Variants in PRPF8 observed in about 807,000 individuals in gnomAD.
PRPF8 encodes pre-mRNA processing factor 8, also known as pre-mRNA-processing-splicing factor 8.
Under a neutral mutation model 285.9 loss-of-function variants are expected in PRPF8, and 64 were observed. That is an observed-to-expected ratio of 0.22 (90% CI 0.18 to 0.28). PRPF8 has a LOEUF of 0.28. Among genes scored for constraint, PRPF8 ranks in the 10% least tolerant of loss-of-function variants. PRPF8 has a pLI of 1.00. For synonymous variants in PRPF8, 1,325 were observed against 1,118.2 expected, an observed-to-expected ratio of 1.18 and a Z score of -3.69; for missense variants, 1,426 against 3,026.7, an observed-to-expected ratio of 0.47 and a Z score of 12.41.
At position 1,661,574 on chromosome 17, in the gene PRPF8, C is replaced by T. The variant is rs1374718595; in HGVS notation, c.4202+37G>A. ...ACACGGTTCAAAGGCCACCACTGCC[C>T]CTGCCCCAGGGTTGGCATGCCCTCC... On this transcript the variant is annotated intron_variant, in intron 26 of 42. Coordinates refer to ENST00000304992, the MANE Select transcript of PRPF8 (RefSeq NM_006445.4). This position sits in a 1 kb window ranked among gnomAD's most constrained non-coding sequence, Gnocchi z 7.3. 3.7e-6 allele frequency: 6 copies of T among 1,612,064 alleles called. No individual in the cohort carries two copies. The highest frequency in any genetic ancestry group is 1.3e-5 in the African/African-American group (1 of 74,876).
Position 1,673,381 on chromosome 17 carries a change from G to A in PRPF8, c.3633C>T (p.Asp1211=), listed in dbSNP as rs148599874. Residue 1211 remains aspartate, a synonymous_variant, in exon 23 of 43, where the codon GAC becomes GAT. Coordinates refer to ENST00000304992, the MANE Select transcript of PRPF8 (RefSeq NM_006445.4). This position sits in a 1 kb window ranked among gnomAD's most constrained non-coding sequence, Gnocchi z 5.5. ...CCTCATTCTGCAGGTTCCAGACCCC[G>A]TCCTTGTGGGTGAACTCCTCATAGC... ...RTSYEEFTHK[D]GVWNLQNEVT... The A allele has an allele frequency of 2.2e-4, 358 of 1,613,940 alleles. No individual in the cohort carries two copies. Among genetic ancestry groups the A allele is most frequent in the Non-Finnish European group, 2.7e-4 (314 of 1,180,024 alleles).
At chr17:1,660,023 T>C in intron 30 of PRPF8, 22 bp from the exon 31 acceptor site, 1 of 1,611,588 alleles carries the variant, frequency 6.2e-7, no homozygotes, top group Non-Finnish European at 8.5e-7. Context: ...CATGGAGAGA[T>C]TAAGACTTGT....
intron 2 of PRPF8, 93 bp from the exon 3 acceptor site, chr17:1,683,794 G>A: frequency 2.0e-6 from 3 of 1,472,714 alleles, no homozygotes; most frequent in South Asian, 1.2e-5. Context: ...GTGAGTGTGA[G>A]GGAGAAGCAG....
In PRPF8 at chr17:1,676,768, T is replaced by C; in HGVS notation, c.2182-57A>G. ...ATCCAGCCAGGCACTGTGGCACACA[T>C]CTGTAGTCCCGGCTACTCAGGAGGC... is the stretch of plus-strand genomic sequence containing the variant. On this transcript the variant is annotated intron_variant, in intron 15 of 42. Coordinates refer to ENST00000304992, the MANE Select transcript of PRPF8 (RefSeq NM_006445.4). This position sits in a 1 kb window ranked among gnomAD's most constrained non-coding sequence, Gnocchi z 6.3. 5 of 1,589,694 alleles carry C rather than the reference T, an allele frequency of 3.1e-6. No homozygotes were observed. The highest frequency in any genetic ancestry group is 4.3e-6 in the Non-Finnish European group (5 of 1,161,996).
chr17:1,674,906 G>C (rs1912532186), intron 20 of PRPF8, among the ~76,000 whole-genome samples: 1 of 151,826 alleles, frequency 6.6e-6, no homozygotes. Flanking sequence ...CAAGTAGCTG[G>C]GATTACAGGC....
At position 1,681,618 on chromosome 17, in the gene PRPF8, A is replaced by G; in HGVS notation, c.726T>C (p.Ala242=). 6.2e-7 allele frequency: 1 copy of G among 1,614,170 alleles called. No homozygotes were observed. Among genetic ancestry groups the G allele is most frequent in the Admixed American group, 1.7e-5 (1 of 60,016 alleles). Reference sequence around the variant, plus strand: ...CCACCAAGTCTGTCAGGAGCTGATTAGCCAGGCGGTAGAGAGTCGACATCA... The same window carrying G: ...CCACCAAGTCTGTCAGGAGCTGATTGGCCAGGCGGTAGAGAGTCGACATCA... ...LPMMSTLYRL[A]NQLLTDLVDD... Residue 242 remains alanine (A), a synonymous_variant, in exon 6 of 43, where the codon GCT becomes GCC. Coordinates refer to ENST00000304992, the MANE Select transcript of PRPF8 (RefSeq NM_006445.4).
Position 1,658,191 on chromosome 17 carries a change from G to T in PRPF8, c.5505+62C>A. The T allele has an allele frequency of 6.2e-7, 1 of 1,611,330 alleles. No individual in the cohort carries two copies. The highest frequency in any genetic ancestry group is 8.5e-7 in the Non-Finnish European group (1 of 1,178,742). ...CTAATAAACCAGTAAATATTACCAAGTCCACCCCAAGAATAAGAGGCAACA... is the reference window on the plus strand; with the variant it reads ...CTAATAAACCAGTAAATATTACCAATTCCACCCCAAGAATAAGAGGCAACA... On this transcript the variant is annotated intron_variant, in intron 34 of 42. Transcript: ENST00000304992. The surrounding 1 kb of genome is among the most constrained non-coding windows in gnomAD (Gnocchi z 4.1).
intron 24 of PRPF8, among the ~76,000 whole-genome samples, chr17:1,665,830 A>C (rs1214933182): frequency 8.4e-6 from 1 of 118,748 alleles, no homozygotes; most frequent in Non-Finnish European, 1.8e-5. Context: ...TGGGTGAGAG[A>C]GTGAGACTCC....
At chr17:1,666,313 C>T (rs1391383236) in intron 24 of PRPF8, among the ~76,000 whole-genome samples, 2 of 151,804 alleles carry the variant, frequency 1.3e-5, no homozygotes, top group Admixed American at 6.6e-5. Context: ...ACTTTGGGAG[C>T]CCAGGGGGGT....
At position 1,678,849 on chromosome 17, in the gene PRPF8, G is replaced by GA; in HGVS notation, c.1631dup (p.His545ProfsTer11). On this transcript the variant is annotated frameshift_variant, in exon 12 of 43. Coordinates refer to ENST00000304992, the MANE Select transcript of PRPF8 (RefSeq NM_006445.4). LOFTEE classifies it high-confidence loss of function. ...AACGCAGAACTTCCCGACACAGGTGGAAAGCATTCCCAAAACGAGATTTCT... is the reference window on the plus strand; with the variant it reads ...AACGCAGAACTTCCCGACACAGGTGGAAAAGCATTCCCAAAACGAGATTTCT... The GA allele has an allele frequency of 6.2e-7, 1 of 1,614,146 alleles. No homozygotes were observed. Among genetic ancestry groups the GA allele is most frequent in the Non-Finnish European group, 8.5e-7 (1 of 1,180,024 alleles).
rs74619506 is a variant in PRPF8 at position 1,661,240 on chromosome 17, G to T, written c.4338+31C>A. ...TTCGGGGATAGCCATGGATTTTCCT[G>T]ACTCAGGGAAAATCTGCTCCCTCTA... On this transcript the variant is annotated intron_variant, in intron 27 of 42. Coordinates refer to ENST00000304992, the MANE Select transcript of PRPF8 (RefSeq NM_006445.4). The surrounding 1 kb of genome is among the most constrained non-coding windows in gnomAD (Gnocchi z 7.3). The T allele has an allele frequency of 1.9e-4, 312 of 1,614,114 alleles. 4 individuals are homozygous for T. In the East Asian group the frequency reaches 6.9e-3, roughly 36 times the overall value.
rs1048004787 is a variant in PRPF8, at chr17:1,651,551, C to T, written c.6513G>A (p.Glu2171=). 1 of 1,613,970 alleles carries T rather than the reference C, an allele frequency of 6.2e-7. No homozygotes were observed. Among genetic ancestry groups the T allele is most frequent in the Non-Finnish European group, 8.5e-7 (1 of 1,180,020 alleles). ...TGTGGATCCAACCTAAGGGTTCCAT[C>T]TCCTATAGGTAAAGAGGAGTACAGA... ...GQLPQHEYLK[E]MEPLGWIHTQ... The change falls in exon 41 of 43, where the codon GAG becomes GAA. Residue 2171 remains glutamate, a splice_region_variant and synonymous_variant. Transcript: ENST00000304992. The surrounding 1 kb of genome is among the most constrained non-coding windows in gnomAD (Gnocchi z 5.1).
intron 2 of PRPF8, among the ~76,000 whole-genome samples, chr17:1,684,106 C>G (rs1312256849): frequency 6.6e-6 from 1 of 152,102 alleles, no homozygotes; most frequent in Non-Finnish European, 1.5e-5. Flanking sequence ...AGGCTGGTCT[C>G]GAACTCCTGA....
chr17:1,666,220 A>G (rs903909761), intron 24 of PRPF8, among the ~76,000 whole-genome samples: 1 of 151,972 alleles, frequency 6.6e-6, no homozygotes, highest in African/African-American at 2.4e-5. Context: ...TTACCTTAAC[A>G]AACTAGCAAA....
In PRPF8 at chr17:1,650,936, T is replaced by C; in HGVS notation, c.6874A>G (p.Met2292Val). The C allele has an allele frequency of 6.2e-7, 1 of 1,614,172 alleles. No homozygotes were observed. Among genetic ancestry groups the C allele is most frequent in the Non-Finnish European group, 8.5e-7 (1 of 1,180,020 alleles). ...TTCGCCAGCTGTAGCTCATATTTCA[T>C]GTTGGGGTCATGCCGAACACCTTCG... ...NFMGVRHDPN[M>V]KYELQLANPK... Residue 2292 changes from methionine (M) to valine (V), a missense_variant, in exon 43 of 43, where the codon ATG becomes GTG. Physicochemically the swap from Met to Val is conservative, Grantham distance 21. Transcript: ENST00000304992.
At chr17:1,684,373 C>A in intron 2 of PRPF8, 99 bp downstream of exon 2, 4 of 1,181,626 alleles carry the variant, frequency 3.4e-6, no homozygotes, top group African/African-American at 1.5e-5. Context: ...GGAGCTGACA[C>A]CTCAGGAGCT....
At position 1,659,712 on chromosome 17, in the gene PRPF8, G is replaced by T. The variant is rs781143256; in HGVS notation, c.4946+129C>A. The T allele has an allele frequency of 3.6e-6, 5 of 1,375,414 alleles. No homozygotes were observed. Among genetic ancestry groups the T allele is most frequent in the South Asian group, 1.2e-5 (1 of 81,148 alleles). The allele number at this position is 1,375,414 out of a possible 1,614,324, so 85.2% of individuals were successfully genotyped here. ...CAGATCTGACTAAGGGTGTTGACAG[G>T]CTCCAAGCGTAGCACTGGCTCCAAG... On this transcript the variant is annotated intron_variant, in intron 31 of 42. Transcript: ENST00000304992. The surrounding 1 kb of genome is among the most constrained non-coding windows in gnomAD (Gnocchi z 5.1).
rs1681045814 is a variant in PRPF8, at chr17:1,662,019, G to A, written c.3909C>T (p.Leu1303=). ...GGAACCGACTTGGCATCTTGGAGTT[G>A]AGTCCAATCTTGATACGTGTCTGGA... ...NKIQTRIKIG[L]NSKMPSRFPP... is the part of the protein sequence containing the mutation. The change falls in exon 25 of 43, where the codon CTC becomes CTT. Residue 1303 remains leucine (L), a synonymous_variant. Coordinates refer to ENST00000304992, the MANE Select transcript of PRPF8 (RefSeq NM_006445.4). 6.2e-7 allele frequency: 1 copy of A among 1,614,080 alleles called. No homozygotes were observed. Among genetic ancestry groups the A allele is most frequent in the Non-Finnish European group, 8.5e-7 (1 of 1,180,004 alleles).
In PRPF8 at chr17:1,676,106, C is replaced by G; in HGVS notation, c.2553-52G>C. On this transcript the variant is annotated intron_variant, in intron 17 of 42. Transcript: ENST00000304992. This position sits in a 1 kb window ranked among gnomAD's most constrained non-coding sequence, Gnocchi z 6.3. ...TGGGAAAACTAGGAGGAAGTAAAAC[C>G]AGGAAAGACTGGGGCTACACCTTCT... The G allele has an allele frequency of 6.2e-7, 1 of 1,612,150 alleles. No individual in the cohort carries two copies. The highest frequency in any genetic ancestry group is 8.5e-7 in the Non-Finnish European group (1 of 1,179,916).
Sources: gnomAD v4.1 joint callset for allele counts (sites outside exome capture counted in the v4.1 genomes callset) on GRCh38, gnomAD v4.1.1 for gene constraint, Gnocchi (gnomAD v3.1) non-coding constraint, MANE v1.5 for transcripts, NCBI Gene and HGNC (gene_info 2026-07-23, HGNC 2026-07-21) for gene names.